CAMTA1: variants seen among roughly 807,000 people sequenced by gnomAD.
The protein encoded by CAMTA1 is calmodulin binding transcription activator 1.
Under a neutral mutation model 170.9 loss-of-function variants are expected in CAMTA1, and 27 were observed. The observed-to-expected ratio is 0.16, with a 90% CI of 0.12 to 0.22. The LOEUF is 0.22. Among genes scored for constraint, CAMTA1 ranks in the 10% least tolerant of loss-of-function variants. The probability of loss-of-function intolerance (pLI) is 1.00; values close to 1 mark genes in which losing one functional copy is unlikely to be tolerated. For missense variants in CAMTA1, 1,619 were observed against 2,217.2 expected (o/e 0.73, Z 5.42); for synonymous variants, 833 against 891.5 (o/e 0.93, Z 1.17).
At chr1:7,724,384 G>A (rs577595848) in intron 11 of CAMTA1, among the ~76,000 whole-genome samples, 95 of 152,100 alleles carry the variant, frequency 6.2e-4, no homozygotes, top group Non-Finnish European at 8.1e-4. Context: ...CTGAGTGAGG[G>A]GCATATGGGA....
intron 4 of CAMTA1, among the ~76,000 whole-genome samples, chr1:7,188,019 G>T (rs1422140260): frequency 6.6e-6 from 1 of 152,182 alleles, no homozygotes; most frequent in Non-Finnish European, 1.5e-5. Context: ...TTACAATCAT[G>T]GTGGAAGCTA....
At chr1:7,386,711 C>T (rs1302770527) in intron 5 of CAMTA1, among the ~76,000 whole-genome samples, 1 of 152,212 alleles carries the variant, frequency 6.6e-6, no homozygotes, top group East Asian at 1.9e-4. Context: ...TCCACCTCCT[C>T]CTTGGTAAAA....
intron 4 of CAMTA1, among the ~76,000 whole-genome samples, chr1:7,213,312 T>G (rs1659120584): frequency 6.6e-6 from 1 of 152,198 alleles, no homozygotes; most frequent in Non-Finnish European, 1.5e-5. Flanking sequence ...CTGACAGGTG[T>G]GTAATGTTAT....
chr1:7,356,801 A>G (rs903997447), intron 5 of CAMTA1, among the ~76,000 whole-genome samples: 2 of 152,220 alleles, frequency 1.3e-5, no homozygotes, highest in Non-Finnish European at 1.5e-5. Flanking sequence ...TCTACTGACC[A>G]ACCGAGGACA....
At chr1:7,505,715 TG>T (rs1436861384) in intron 6 of CAMTA1, among the ~76,000 whole-genome samples, 1 of 152,090 alleles carries the variant, frequency 6.6e-6, no homozygotes, top group African/African-American at 2.4e-5. Flanking sequence ...CAGATAACCT[TG>T]GAATGTCCTC....
chr1:7,436,774 G>A (rs1005815432), intron 5 of CAMTA1, among the ~76,000 whole-genome samples: 1 of 152,194 alleles, frequency 6.6e-6, no homozygotes, highest in Non-Finnish European at 1.5e-5. Flanking sequence ...CTGTACCCTG[G>A]GAACGGCAGT....
intron 11 of CAMTA1, chr1:7,694,843 AT>A (rs2096357861): frequency 6.6e-6 from 1 of 152,158 alleles, no homozygotes; most frequent in African/African-American, 2.4e-5. Flanking sequence ...GGACCTTGCA[AT>A]TAGTGCCCAG....
At chr1:7,704,969 G>C (rs1020811381) in intron 11 of CAMTA1, among the ~76,000 whole-genome samples, 3 of 121,700 alleles carry the variant, frequency 2.5e-5, no homozygotes, top group African/African-American at 8.9e-5. Flanking sequence ...GGCGCGCGCG[G>C]GGCGGGGGCG....
intron 3 of CAMTA1, among the ~76,000 whole-genome samples, chr1:7,017,757 A>G (rs530799537): frequency 8.5e-5 from 13 of 152,288 alleles, no homozygotes; most frequent in African/African-American, 3.1e-4. Context: ...CCCCAGAAAC[A>G]TGGGTTGGTG....
At chr1:7,441,801 A>G (rs2092546948) in intron 5 of CAMTA1, among the ~76,000 whole-genome samples, 1 of 152,200 alleles carries the variant, frequency 6.6e-6, no homozygotes. Context: ...CACAAAGAGC[A>G]GCAAATCCCA....
intron 3 of CAMTA1, among the ~76,000 whole-genome samples, chr1:6,947,028 T>C (rs1167376662): frequency 6.6e-6 from 1 of 152,374 alleles, no homozygotes; most frequent in East Asian, 1.9e-4. Context: ...CTTTTGCATG[T>C]GGACATCCAG....
intron 3 of CAMTA1, among the ~76,000 whole-genome samples, chr1:7,005,965 C>G (rs908586820): frequency 6.6e-6 from 1 of 152,100 alleles, no homozygotes; most frequent in East Asian, 1.9e-4. Context: ...GTGGGATAGA[C>G]CAGGGCAGGG....
At chr1:7,282,911 C>T (rs962739665) in intron 5 of CAMTA1, among the ~76,000 whole-genome samples, 1 of 151,886 alleles carries the variant, frequency 6.6e-6, no homozygotes, top group African/African-American at 2.4e-5. Flanking sequence ...TCCAGTAGCA[C>T]CAAGACAGGG....
At chr1:7,241,200 A>G (rs1664801973) in intron 4 of CAMTA1, among the ~76,000 whole-genome samples, 1 of 152,250 alleles carries the variant, frequency 6.6e-6, no homozygotes, top group Admixed American at 6.5e-5. Flanking sequence ...TAATATCTTC[A>G]AAATAATAAA....
chr1:7,606,384 C>G (rs2095486908), intron 6 of CAMTA1, among the ~76,000 whole-genome samples: 1 of 152,210 alleles, frequency 6.6e-6, no homozygotes, highest in Non-Finnish European at 1.5e-5. Flanking sequence ...GACACTCCCT[C>G]TAGAGGCTCA....
chr1:6,987,223 C>A (rs546048486), intron 3 of CAMTA1, among the ~76,000 whole-genome samples: 1 of 150,784 alleles, frequency 6.6e-6, no homozygotes, highest in Non-Finnish European at 1.5e-5. Context: ...AGTGCAGTGG[C>A]GCAATCTTAG....
chr1:7,261,961 A>T (rs1459514813), intron 5 of CAMTA1, among the ~76,000 whole-genome samples: 1 of 151,950 alleles, frequency 6.6e-6, no homozygotes, highest in Non-Finnish European at 1.5e-5. Flanking sequence ...TTTCCCCCAG[A>T]TTCCTTACCC....
At chr1:7,505,658 C>A (rs2094093979) in intron 6 of CAMTA1, among the ~76,000 whole-genome samples, 1 of 152,146 alleles carries the variant, frequency 6.6e-6, no homozygotes, top group Non-Finnish European at 1.5e-5. Flanking sequence ...GACAGCCCAC[C>A]CAGAGGCCAC....
At chr1:6,983,248 GA>G (rs757892172) in intron 3 of CAMTA1, among the ~76,000 whole-genome samples, 16 of 152,170 alleles carry the variant, frequency 1.1e-4, no homozygotes, top group Non-Finnish European at 2.1e-4. Context: ...CATGGTCTTA[GA>G]AAATATATTC....
Sources: gnomAD v4.1 joint callset for allele counts (sites outside exome capture counted in the v4.1 genomes callset) on GRCh38, gnomAD v4.1.1 for gene constraint, MANE v1.5 for transcripts, NCBI Gene and HGNC (gene_info 2026-07-23, HGNC 2026-07-21) for gene names.